LTAP1: variants seen among roughly 807,000 people sequenced by gnomAD.
The protein encoded by LTAP1 is lipid transport auxiliary protein 1, also known as HCV NS5A-transactivated protein 4.
At chr1:154,216,746 C>T in the LTAP1 span, among the ~76,000 whole-genome samples, 1 of 151,964 alleles carries the variant, frequency 6.6e-6, no homozygotes. Flanking sequence ...AAACTCCTGA[C>T]CTTGTGATCT....
the LTAP1 span, among the ~76,000 whole-genome samples, chr1:154,217,115 T>G: frequency 1.3e-5 from 2 of 151,608 alleles, no homozygotes; most frequent in African/African-American, 4.9e-5. Context: ...CCCAGCTAAT[T>G]TTTTTGCATT....
At chr1:154,217,036 G>C in the LTAP1 span, among the ~76,000 whole-genome samples, 1 of 149,918 alleles carries the variant, frequency 6.7e-6, no homozygotes. Flanking sequence ...TGCAACCTCC[G>C]CCGGGGCTCA....
chr1:154,215,707 C>T, the LTAP1 span, among the ~76,000 whole-genome samples: 1 of 152,132 alleles, frequency 6.6e-6, no homozygotes, highest in African/African-American at 2.4e-5. Flanking sequence ...TTTTTACAAA[C>T]TCCCATTGTG....
chr1:154,220,506 C>A, the LTAP1 span: 2 of 1,368,254 alleles, frequency 1.5e-6, no homozygotes, highest in East Asian at 2.3e-5. Context: ...TCCCCTGGAG[C>A]TCCCCGGCCA....
chr1:154,213,664 T>C, the LTAP1 span, among the ~76,000 whole-genome samples: 2 of 152,326 alleles, frequency 1.3e-5, no homozygotes, highest in East Asian at 1.9e-4. Context: ...ACTAAAGGTC[T>C]CAAGAGAAGA....
chr1:154,208,997 C>T, the LTAP1 span, among the ~76,000 whole-genome samples: 135 of 152,328 alleles, frequency 8.9e-4, no homozygotes, highest in African/African-American at 2.6e-3. Flanking sequence ...ATCCACCCGC[C>T]TCAGCCTCCC....
At chr1:154,219,494 A>T in the LTAP1 span, among the ~76,000 whole-genome samples, 1 of 152,236 alleles carries the variant, frequency 6.6e-6, no homozygotes, top group Non-Finnish European at 1.5e-5. Flanking sequence ...CTCTTGGGTT[A>T]ACCTTAATGA....
chr1:154,211,997 C>T, the LTAP1 span: 3 of 274,404 alleles, frequency 1.1e-5, no homozygotes, highest in Non-Finnish European at 2.2e-5. Context: ...GCTAGGATTA[C>T]AGGCATGCGC....
chr1:154,215,620 C>T, the LTAP1 span, among the ~76,000 whole-genome samples: 119 of 151,752 alleles, frequency 7.8e-4, no homozygotes, highest in African/African-American at 2.9e-3. Context: ...GCAGCAACTA[C>T]TATTTTCAGT....
the LTAP1 span, among the ~76,000 whole-genome samples, chr1:154,215,931 G>A: frequency 2.6e-5 from 4 of 150,982 alleles, no homozygotes; most frequent in African/African-American, 9.7e-5. Flanking sequence ...TCCGCCTCCC[G>A]GGTTCACGCC....
At chr1:154,217,773 G>C in the LTAP1 span, among the ~76,000 whole-genome samples, 2 of 152,228 alleles carry the variant, frequency 1.3e-5, no homozygotes, top group Admixed American at 1.3e-4. Flanking sequence ...GCCTCCCTAA[G>C]TGCTGGGATT....
At chr1:154,211,626 C>T in the LTAP1 span, 45 of 151,790 alleles carry the variant, frequency 3.0e-4, no homozygotes, top group African/African-American at 9.7e-4. Flanking sequence ...TGAGCCACCG[C>T]GCCCGGCCCA....
the LTAP1 span, chr1:154,214,529 T>C: frequency 6.2e-7 from 1 of 1,614,056 alleles, no homozygotes; most frequent in Non-Finnish European, 8.5e-7. Context: ...TCATACTTGA[T>C]ATCCTGAACC....
the LTAP1 span, among the ~76,000 whole-genome samples, chr1:154,207,816 A>G: frequency 6.6e-6 from 1 of 152,090 alleles, no homozygotes; most frequent in Non-Finnish European, 1.5e-5. Context: ...TAGAAATACA[A>G]GAGGCTGAGC....
the LTAP1 span, among the ~76,000 whole-genome samples, chr1:154,218,372 TGAACTAGACCAAG>T: frequency 1.3e-5 from 2 of 152,252 alleles, no homozygotes; most frequent in African/African-American, 4.8e-5. Context: ...AATATTGCTC[TGAACTAGACCAAG>T]GGACCCCTGA....
chr1:154,213,900 A>G, the LTAP1 span: 1 of 1,613,006 alleles, frequency 6.2e-7, no homozygotes, highest in Non-Finnish European at 8.5e-7. Context: ...TACCAGAGGT[A>G]CGAATGGCAT....
the LTAP1 span, chr1:154,213,044 C>A: frequency 5.8e-6 from 1 of 173,640 alleles, no homozygotes; most frequent in Non-Finnish European, 1.2e-5. Flanking sequence ...CAGTGGCTCA[C>A]GCCTGTAATT....
At chr1:154,208,073 G>A in the LTAP1 span, among the ~76,000 whole-genome samples, 2 of 151,768 alleles carry the variant, frequency 1.3e-5, no homozygotes, top group African/African-American at 4.8e-5. Context: ...ACTTCAGCCT[G>A]GGTGACAGAG....
chr1:154,212,321 C>T, the LTAP1 span: 7 of 1,614,050 alleles, frequency 4.3e-6, no homozygotes, highest in Non-Finnish European at 5.9e-6. Context: ...CAAACTCACG[C>T]AGTGGCCAGC....
Sources: allele counts gnomAD v4.1 joint callset (sites outside exome capture counted in the v4.1 genomes callset), GRCh38; gene constraint gnomAD v4.1.1; transcripts MANE v1.5; gene names NCBI Gene and HGNC (gene_info 2026-07-23, HGNC 2026-07-21).